MRAP: variants seen among roughly 807,000 people sequenced by gnomAD.
The protein encoded by MRAP is melanocortin-2 receptor accessory protein.
MRAP carries 8 observed loss-of-function variants against 8.7 expected under a neutral mutation model. The ratio of observed to expected loss-of-function variants is 0.92; its 90% confidence interval spans 0.54 to 1.66. The LOEUF (loss-of-function observed/expected upper bound fraction) is 1.66, where lower values mean the gene tolerates loss of function less well. MRAP is among the 40% of genes most tolerant of loss of function. The probability of loss-of-function intolerance (pLI) is 0.00; values close to 1 mark genes in which losing one functional copy is unlikely to be tolerated. For missense variants in MRAP, 237 were observed against 217.1 expected (o/e 1.09, Z -0.58); for synonymous variants, 95 against 95.5 (o/e 1.00, Z 0.03).
chr21:32,301,942 ACT>A (rs2032306870), intron 1 of MRAP, among the ~76,000 whole-genome samples: 1 of 151,944 alleles, frequency 6.6e-6, no homozygotes, highest in East Asian at 1.9e-4. Context: ...ACTACATAAA[ACT>A]CTTTTTCTCT....
At chr21:32,300,593 C>CGT (rs2032244858) in intron 1 of MRAP, among the ~76,000 whole-genome samples, 1 of 147,252 alleles carries the variant, frequency 6.8e-6, no homozygotes, top group Non-Finnish European at 1.5e-5. Flanking sequence ...GGGCGTCACA[C>CGT]GTCCTATGTC....
At chr21:32,314,427 C>T (rs1339587292), downstream of MRAP, 4 of 804,522 alleles carry the variant, frequency 5.0e-6, no homozygotes, top group South Asian at 1.4e-5. Flanking sequence ...TCAGGTGATT[C>T]ACCCGCCTTG....
At chr21:32,298,489 T>C (rs1181384976), upstream of MRAP, among the ~76,000 whole-genome samples, 1 of 152,238 alleles carries the variant, frequency 6.6e-6, no homozygotes, top group Non-Finnish European at 1.5e-5. Context: ...AGTTTGGTGG[T>C]TGCTCAATAG....
At chr21:32,292,759 C>T (rs1348215497) in intron 1 of MRAP, among the ~76,000 whole-genome samples, 1 of 151,854 alleles carries the variant, frequency 6.6e-6, no homozygotes, top group African/African-American at 2.4e-5. Flanking sequence ...CAAATGTTGG[C>T]TCCCAATGGC....
intron 1 of MRAP, among the ~76,000 whole-genome samples, chr21:32,300,177 A>AG (rs1160504894): frequency 6.6e-6 from 1 of 152,206 alleles, no homozygotes; most frequent in Non-Finnish European, 1.5e-5. Context: ...ACTTGAGGCC[A>AG]GGAGTTCGAG....
intron 2 of MRAP, chr21:32,293,167 T>A (rs1385538331): frequency 6.6e-6 from 1 of 151,938 alleles, no homozygotes; most frequent in African/African-American, 2.4e-5. Context: ...AGGACGGCAG[T>A]GTGGTGGGGG....
intron 1 of MRAP, among the ~76,000 whole-genome samples, chr21:32,301,464 G>T (rs78935102): frequency 0.025 from 3,754 of 152,206 alleles, 79 homozygotes; most frequent in Non-Finnish European, 0.04. Context: ...TGCCATAATC[G>T]TAAGTTTCCT....
At chr21:32,301,433 G>C (rs1346711137) in intron 1 of MRAP, among the ~76,000 whole-genome samples, 2 of 152,186 alleles carry the variant, frequency 1.3e-5, no homozygotes, top group African/African-American at 4.8e-5. Flanking sequence ...CATGGAAAGT[G>C]CTGGCTCCCC....
intron 2 of MRAP, chr21:32,308,547 G>A (rs766409066): frequency 6.6e-6 from 1 of 152,656 alleles, no homozygotes; most frequent in Non-Finnish European, 1.5e-5. Flanking sequence ...TGTTGTGCTA[G>A]AGGATTGGCT....
At chr21:32,306,587 G>T in intron 1 of MRAP, 53 bp from the exon 2 acceptor site, 1 of 1,488,928 alleles carries the variant, frequency 6.7e-7, no homozygotes, top group Non-Finnish European at 9.4e-7. Flanking sequence ...GCCCCTCAGC[G>T]TTGCTTTATG....
chr21:32,308,343 C>T (rs1021088021), intron 2 of MRAP, among the ~76,000 whole-genome samples: 1 of 151,870 alleles, frequency 6.6e-6, no homozygotes, highest in Non-Finnish European at 1.5e-5. Context: ...CACCACTGCA[C>T]TCCAGCCTGG....
At chr21:32,308,252 C>A (rs1298055329) in intron 2 of MRAP, among the ~76,000 whole-genome samples, 1 of 152,020 alleles carries the variant, frequency 6.6e-6, no homozygotes, top group Non-Finnish European at 1.5e-5. Context: ...GTGGTGTATG[C>A]CTGTAATCCC....
At chr21:32,307,437 CG>C (rs951396892) in intron 2 of MRAP, among the ~76,000 whole-genome samples, 4 of 151,960 alleles carry the variant, frequency 2.6e-5, no homozygotes, top group African/African-American at 9.7e-5. Flanking sequence ...ATTAGCCGGG[CG>C]TGGTGGCACG....
At chr21:32,296,961 T>C (rs180730599), upstream of MRAP, among the ~76,000 whole-genome samples, 2 of 152,314 alleles carry the variant, frequency 1.3e-5, no homozygotes, top group Admixed American at 6.5e-5. Flanking sequence ...ATAAAGTAAA[T>C]GTGCAATGAT....
intron 1 of MRAP, chr21:32,306,333 T>C: frequency 2.5e-6 from 1 of 402,278 alleles, no homozygotes; most frequent in Non-Finnish European, 4.7e-6. Flanking sequence ...TGAGCACCAC[T>C]AGGAGCCGGG....
intron 2 of MRAP, among the ~76,000 whole-genome samples, chr21:32,310,194 T>C (rs1389735271): frequency 6.6e-6 from 1 of 152,168 alleles, no homozygotes; most frequent in Non-Finnish European, 1.5e-5. Context: ...CTGATGACAC[T>C]ATACATCCTG....
At chr21:32,300,860 CGTCATGCGTCCTATGTCGGGT>C (rs1488290238) in intron 1 of MRAP, among the ~76,000 whole-genome samples, 4 of 150,182 alleles carry the variant, frequency 2.7e-5, no homozygotes, top group Non-Finnish European at 5.9e-5. Context: ...ATGTCAGGGG[CGTCATGCGTCCTATGTCGGGT>C]GTCATGCATC....
intron 2 of MRAP, chr21:32,308,391 A>C (rs561912946): frequency 1.3e-5 from 2 of 152,834 alleles, no homozygotes; most frequent in Admixed American, 1.3e-4. Context: ...AAAGAAAAAA[A>C]AAAGAAAAAA....
At chr21:32,295,776 G>C (rs1278058249), upstream of MRAP, among the ~76,000 whole-genome samples, 2 of 152,114 alleles carry the variant, frequency 1.3e-5, no homozygotes, top group Non-Finnish European at 2.9e-5. Context: ...AGGAGTTCGA[G>C]ACCAGCCTGG....
Sources: allele counts gnomAD v4.1 joint callset (sites outside exome capture counted in the v4.1 genomes callset), GRCh38; gene constraint gnomAD v4.1.1; transcripts MANE v1.5; gene names NCBI Gene and HGNC (gene_info 2026-07-23, HGNC 2026-07-21).